The following SEC14L1 variants were observed in gnomAD, a reference collection of about 807,000 sequenced individuals.
SEC14L1 encodes SEC14-like protein 1.
Under a neutral mutation model 85.3 loss-of-function variants are expected in SEC14L1, and 48 were observed. That is an observed-to-expected ratio of 0.56 (90% CI 0.45 to 0.72). The LOEUF (loss-of-function observed/expected upper bound fraction) is 0.72, where lower values mean the gene tolerates loss of function less well. Among genes scored for constraint, SEC14L1 ranks in the 30% least tolerant of loss-of-function variants. The pLI is 0.00. For synonymous variants in SEC14L1, 391 were observed against 355.5 expected, an observed-to-expected ratio of 1.10 and a Z score of -1.12; for missense variants, 682 against 921.4, an observed-to-expected ratio of 0.74 and a Z score of 3.36.
chr17:77,109,446 T>G (rs1971999264), intron 3 of SEC14L1, among the ~76,000 whole-genome samples: 9 of 152,220 alleles, frequency 5.9e-5, no homozygotes, highest in Admixed American at 5.9e-4. Context: ...GGAACTTCAT[T>G]AGCATGCTGA....
rs1486833275 is a variant in SEC14L1, at chr17:77,215,551, C to T, written c.*1528C>T. ...GGGATCAGGAGGGCGGGGGAGGGACCGAGCAGCCCTCTTGCCCGGTCGGGT... is the reference window on the plus strand; with the variant it reads ...GGGATCAGGAGGGCGGGGGAGGGACTGAGCAGCCCTCTTGCCCGGTCGGGT... On this transcript the variant is annotated 3_prime_UTR_variant, in exon 17 of 17. Transcript: ENST00000436233. 5 of 986,498 alleles carry T rather than the reference C, an allele frequency of 5.1e-6. No homozygotes were observed. The East Asian group carries it at 4.5e-4, about 89-fold the overall frequency. 61.1% of individuals were successfully genotyped at this position (986,498 alleles called of 1,614,324 possible).
chr17:77,166,697 G>A (rs931121250), intron 3 of SEC14L1, among the ~76,000 whole-genome samples: 5 of 152,066 alleles, frequency 3.3e-5, no homozygotes, highest in African/African-American at 1.2e-4. Flanking sequence ...AAATTAGCCA[G>A]GCTGGGTGGC....
At chr17:77,211,222 T>A (rs1976734954) in intron 14 of SEC14L1, 1 of 152,476 alleles carries the variant, frequency 6.6e-6, no homozygotes, top group African/African-American at 2.4e-5. Context: ...AGAGGGGCCG[T>A]GGGCCTGGCT....
rs1976890558 is a variant in SEC14L1, at chr17:77,213,685, G to A, written c.2042+193G>A. 1.2e-6 allele frequency: 1 copy of A among 861,776 alleles called. No homozygotes were observed. Among genetic ancestry groups the A allele is most frequent in the South Asian group, 1.4e-5 (1 of 70,158 alleles). 53.4% of individuals were successfully genotyped at this position (861,776 alleles called of 1,614,324 possible). On this transcript the variant is annotated intron_variant, in intron 16 of 16. Coordinates refer to ENST00000436233, the MANE Select transcript of SEC14L1 (RefSeq NM_001143998.2). The surrounding 1 kb of genome is among the most constrained non-coding windows in gnomAD (Gnocchi z 7.1). The stretch of plus-strand genomic sequence containing the variant: ...GCCTGTCTGCAGAGGGAGAGTGTCG[G>A]AGACAGAGCCGACTGACTGCCTTTG...
intron 3 of SEC14L1, among the ~76,000 whole-genome samples, chr17:77,095,513 C>G (rs1188311300): frequency 6.6e-6 from 1 of 152,170 alleles, no homozygotes; most frequent in Non-Finnish European, 1.5e-5. Context: ...TTTTCTCTGT[C>G]ACTAGACCCC....
intron 3 of SEC14L1, among the ~76,000 whole-genome samples, chr17:77,149,269 C>T (rs1424926059): frequency 1.3e-5 from 2 of 152,138 alleles, no homozygotes; most frequent in Non-Finnish European, 2.9e-5. Flanking sequence ...GTGACCTTGA[C>T]AGTTATTTGT....
intron 3 of SEC14L1, among the ~76,000 whole-genome samples, chr17:77,161,142 C>A (rs774149936): frequency 6.6e-6 from 1 of 152,162 alleles, no homozygotes; most frequent in Admixed American, 6.5e-5. Context: ...ATTGTATGAG[C>A]TTTTTTGTTT....
At chr17:77,099,477 G>C (rs1024606388) in intron 3 of SEC14L1, among the ~76,000 whole-genome samples, 1 of 152,148 alleles carries the variant, frequency 6.6e-6, no homozygotes, top group Non-Finnish European at 1.5e-5. Flanking sequence ...AAAATCCAAA[G>C]GCATGGCCGG....
intron 3 of SEC14L1, among the ~76,000 whole-genome samples, chr17:77,157,510 G>C (rs1024947477): frequency 2.0e-5 from 3 of 151,828 alleles, no homozygotes; most frequent in African/African-American, 7.3e-5. Context: ...AGGAAGAAAG[G>C]AGGGTGGTTT....
intron 3 of SEC14L1, among the ~76,000 whole-genome samples, chr17:77,159,229 G>C (rs1221583138): frequency 6.7e-6 from 1 of 148,936 alleles, no homozygotes; most frequent in Non-Finnish European, 1.5e-5. Context: ...CCACCACCTG[G>C]CTAATTTTTG....
intron 10 of SEC14L1, among the ~76,000 whole-genome samples, chr17:77,204,425 G>T (rs1976352966): frequency 6.6e-6 from 1 of 150,814 alleles, no homozygotes; most frequent in South Asian, 2.1e-4. Flanking sequence ...TCACCATGTT[G>T]GTCAGGCTGG....
chr17:77,098,854 C>G (rs1034909197), intron 3 of SEC14L1, among the ~76,000 whole-genome samples: 6 of 152,154 alleles, frequency 3.9e-5, no homozygotes, highest in African/African-American at 1.4e-4. Context: ...GGACTTATTG[C>G]TTTTTCAACA....
chr17:77,208,677 T>G (rs554704791), intron 13 of SEC14L1, among the ~76,000 whole-genome samples: 3 of 152,216 alleles, frequency 2.0e-5, no homozygotes, highest in Non-Finnish European at 2.9e-5. Context: ...TTGACACTTA[T>G]GCTGTACTGC....
At chr17:77,091,548 C>T (rs1452505428) in intron 2 of SEC14L1, among the ~76,000 whole-genome samples, 1 of 152,204 alleles carries the variant, frequency 6.6e-6, no homozygotes, top group Non-Finnish European at 1.5e-5. Context: ...CCGCAAGCCA[C>T]ATGTAGCTGT....
intron 3 of SEC14L1, among the ~76,000 whole-genome samples, chr17:77,163,856 G>C (rs1974174878): frequency 6.6e-6 from 1 of 152,168 alleles, no homozygotes; most frequent in Non-Finnish European, 1.5e-5. Context: ...AAATGAAACT[G>C]TTTTAGGGAT....
chr17:77,098,528 A>G (rs945476067), intron 3 of SEC14L1, among the ~76,000 whole-genome samples: 1 of 151,958 alleles, frequency 6.6e-6, no homozygotes, highest in Admixed American at 6.6e-5. Flanking sequence ...GTTCCTACAC[A>G]TTGGCCCATT....
Position 77,215,798 on chromosome 17 carries a change from G to T in SEC14L1, c.*1775G>T. 1 of 960,104 alleles carries T rather than the reference G, an allele frequency of 1.0e-6. No homozygotes were observed. 59.5% of individuals were successfully genotyped at this position (960,104 alleles called of 1,614,324 possible). On this transcript the variant is annotated 3_prime_UTR_variant, in exon 17 of 17. Coordinates refer to ENST00000436233, the MANE Select transcript of SEC14L1 (RefSeq NM_001143998.2). ...CTAGTAGGTAGGGTTCGTAGGTAGG[G>T]TTCGTAGGTAGGGCTGGTAGGTAGG... is the stretch of plus-strand genomic sequence containing the variant.
intron 3 of SEC14L1, among the ~76,000 whole-genome samples, chr17:77,119,416 G>T (rs1014621834): frequency 1.3e-5 from 2 of 152,028 alleles, no homozygotes; most frequent in African/African-American, 2.4e-5. Context: ...ACCTTTCAGG[G>T]GTTGGAAGGA....
At chr17:77,132,754 G>T (rs1051805803) in intron 3 of SEC14L1, among the ~76,000 whole-genome samples, 1 of 152,132 alleles carries the variant, frequency 6.6e-6, no homozygotes. Flanking sequence ...TAGTGAAGGG[G>T]TTGGGCTCTG....
Sources: allele counts gnomAD v4.1 joint callset (sites outside exome capture counted in the v4.1 genomes callset), GRCh38; gene constraint gnomAD v4.1.1; non-coding constraint Gnocchi (gnomAD v3.1); transcripts MANE v1.5; gene names NCBI Gene and HGNC (gene_info 2026-07-23, HGNC 2026-07-21).